The following NSD1 variants were observed in gnomAD, a reference collection of about 807,000 sequenced individuals.
The protein encoded by NSD1 is nuclear receptor binding SET domain protein 1.
In NSD1, 26 loss-of-function variants were observed where a neutral mutation model predicts 242.7. The ratio of observed to expected loss-of-function variants is 0.11; its 90% CI spans 0.08 to 0.15. The LOEUF is 0.15. Ranked by LOEUF, NSD1 falls within the 10% of genes least tolerant of loss-of-function variation. NSD1 has a pLI of 1.00. For missense variants in NSD1, 2,495 were observed against 3,272.8 expected, an observed-to-expected ratio of 0.76 and a Z score of 5.80; for synonymous variants, 1,106 against 1,178.1, an observed-to-expected ratio of 0.94 and a Z score of 1.25.
intron 11 of NSD1, among the ~76,000 whole-genome samples, chr5:177,250,020 A>T (rs1229788921): frequency 6.6e-6 from 1 of 152,184 alleles, no homozygotes; most frequent in Non-Finnish European, 1.5e-5. Flanking sequence ...GGGGAGGTAG[A>T]GGCTTTAGTG....
rs1443483151 is a variant in NSD1, at chr5:177,280,789, A to G, written c.5847A>G (p.Thr1949=). The stretch of plus-strand genomic sequence containing the variant: ...ATCCAGAGGTTGAAATTTTCCGCAC[A>G]TTACAGCGGGGTTGGGGTCTACGGA... ...RQYPEVEIFR[T]LQRGWGLRTK... The change falls in exon 18 of 23, where the codon ACA becomes ACG. Residue 1949 remains threonine, a synonymous_variant. Coordinates refer to ENST00000439151, the MANE Select transcript of NSD1 (RefSeq NM_022455.5). 1.1e-5 allele frequency: 18 copies of G among 1,614,124 alleles called. No individual in the cohort carries two copies. The highest frequency in any genetic ancestry group is 9.9e-5 in the South Asian group (9 of 91,090).
intron 2 of NSD1, among the ~76,000 whole-genome samples, chr5:177,141,587 T>C (rs1756829980): frequency 6.6e-6 from 1 of 151,678 alleles, no homozygotes; most frequent in Non-Finnish European, 1.5e-5. Context: ...GCTTCAGTCT[T>C]TCAAAGTGCT....
chr5:177,205,785 T>G (rs948514253), intron 4 of NSD1, among the ~76,000 whole-genome samples: 4 of 152,014 alleles, frequency 2.6e-5, no homozygotes, highest in African/African-American at 9.7e-5. Flanking sequence ...AATTCTTAGT[T>G]TGGTGTTTTA....
intron 2 of NSD1, among the ~76,000 whole-genome samples, chr5:177,142,530 A>T (rs1756911188): frequency 1.3e-5 from 2 of 152,156 alleles, no homozygotes; most frequent in African/African-American, 2.4e-5. Flanking sequence ...AGTAAGAGGG[A>T]ATAGCATATG....
chr5:177,192,029 G>C lies in NSD1; in HGVS notation c.1063+10G>C. 3 of 1,613,594 alleles carry C rather than the reference G, an allele frequency of 1.9e-6. No homozygotes were observed. Among genetic ancestry groups the C allele is most frequent in the Middle Eastern group, 1.7e-4 (1 of 6,060 alleles). ...CATTCAAAAATGAAAGGTAATACTTGCAGTGATTATACATGTTAAAGGCAG... is the reference window on the plus strand; with the variant it reads ...CATTCAAAAATGAAAGGTAATACTTCCAGTGATTATACATGTTAAAGGCAG... On this transcript the variant is annotated intron_variant, in intron 3 of 22. Transcript: ENST00000439151.
chr5:177,293,172 G>A (rs922909237), intron 22 of NSD1, among the ~76,000 whole-genome samples: 7 of 152,192 alleles, frequency 4.6e-5, no homozygotes, highest in Admixed American at 1.3e-4. Context: ...GGGAGCTGGT[G>A]TAGTTGATTT....
chr5:177,213,810 T>C (rs1763552609), intron 5 of NSD1, among the ~76,000 whole-genome samples: 2 of 152,338 alleles, frequency 1.3e-5, no homozygotes, highest in Admixed American at 1.3e-4. Context: ...TTGTCTATTG[T>C]GTACATTTCA....
At chr5:177,178,092 A>T (rs773279431) in intron 2 of NSD1, among the ~76,000 whole-genome samples, 2 of 151,734 alleles carry the variant, frequency 1.3e-5, no homozygotes, top group African/African-American at 2.4e-5. Context: ...AGACAGTTTC[A>T]TCATGTTGGC....
At chr5:177,271,908 GGTC>G (rs1757969684) in intron 16 of NSD1, among the ~76,000 whole-genome samples, 1 of 152,046 alleles carries the variant, frequency 6.6e-6, no homozygotes, top group African/African-American at 2.4e-5. Context: ...AGCACTATGG[GGTC>G]AGGAGTTTGA....
chr5:177,140,276 T>C (rs1003230905), intron 2 of NSD1, among the ~76,000 whole-genome samples: 1 of 152,170 alleles, frequency 6.6e-6, no homozygotes, highest in Admixed American at 6.6e-5. Flanking sequence ...ACAGGCTAGG[T>C]GCTTTGGATG....
chr5:177,207,593 A>ATTTT (rs150492535), intron 4 of NSD1, among the ~76,000 whole-genome samples: 1,628 of 78,194 alleles, frequency 0.021, 120 homozygotes, highest in East Asian at 0.12. Flanking sequence ...ATTTATTTAA[A>ATTTT]TTTTTTTTTT....
At chr5:177,261,140 G>A (rs952941797) in intron 14 of NSD1, among the ~76,000 whole-genome samples, 1 of 151,624 alleles carries the variant, frequency 6.6e-6, no homozygotes, top group African/African-American at 2.4e-5. Context: ...CTGCTGCCAC[G>A]CCACTCCCCA....
At chr5:177,173,934 G>A (rs1349424828) in intron 2 of NSD1, among the ~76,000 whole-genome samples, 1 of 152,236 alleles carries the variant, frequency 6.6e-6, no homozygotes, top group African/African-American at 2.4e-5. Context: ...TTTAATGGAT[G>A]AAGCAGTAAT....
chr5:177,275,674 C>T (rs1040103206), intron 17 of NSD1, among the ~76,000 whole-genome samples: 1 of 151,850 alleles, frequency 6.6e-6, no homozygotes, highest in Non-Finnish European at 1.5e-5. Context: ...ACCTCGTGAT[C>T]GGCCTGCCTT....
intron 5 of NSD1, among the ~76,000 whole-genome samples, chr5:177,222,165 G>C (rs559998859): frequency 6.8e-6 from 1 of 148,086 alleles, no homozygotes; most frequent in Middle Eastern, 3.8e-3. Context: ...GTCTCACTCT[G>C]TCACCCAGGC....
chr5:177,275,886 G>A (rs1758342165), intron 17 of NSD1, among the ~76,000 whole-genome samples: 1 of 152,152 alleles, frequency 6.6e-6, no homozygotes, highest in South Asian at 2.1e-4. Context: ...TAGTCTGATG[G>A]ACTTACATGG....
chr5:177,181,232 G>A (rs1040431885), intron 2 of NSD1, among the ~76,000 whole-genome samples: 2 of 151,734 alleles, frequency 1.3e-5, no homozygotes, highest in Admixed American at 6.6e-5. Flanking sequence ...GCAGTGAGCC[G>A]AGATTGTGCC....
chr5:177,173,695 A>G (rs982752171), intron 2 of NSD1, among the ~76,000 whole-genome samples: 6 of 151,940 alleles, frequency 3.9e-5, no homozygotes, highest in African/African-American at 1.5e-4. Context: ...CTGGTCTCGA[A>G]CTTTTGACCT....
chr5:177,181,067 C>T (rs1237795901), intron 2 of NSD1, among the ~76,000 whole-genome samples: 1 of 148,806 alleles, frequency 6.7e-6, no homozygotes, highest in Non-Finnish European at 1.5e-5. Flanking sequence ...GAGATGGAGT[C>T]TCCCTTTGTA....
Sources: allele counts gnomAD v4.1 joint callset (sites outside exome capture counted in the v4.1 genomes callset), GRCh38; gene constraint gnomAD v4.1.1; transcripts MANE v1.5; gene names NCBI Gene and HGNC (gene_info 2026-07-23, HGNC 2026-07-21).